DIP2B: variants seen among roughly 807,000 people sequenced by gnomAD.
DIP2B encodes the protein DIP2 acetate--CoA ligase B (putative).
Under a neutral mutation model 198.0 loss-of-function variants are expected in DIP2B, and 76 were observed. The ratio of observed to expected loss-of-function variants is 0.38; its 90% confidence interval spans 0.32 to 0.46. The LOEUF (loss-of-function observed/expected upper bound fraction) is 0.46. Ranked by LOEUF, DIP2B falls within the 20% of genes least tolerant of loss-of-function variation. The pLI, the probability that DIP2B is intolerant of heterozygous loss-of-function variation, is 0.99. For missense variants in DIP2B, 1,559 were observed against 1,978.4 expected (o/e 0.79, Z 4.02); for synonymous variants, 701 against 739.1 (o/e 0.95, Z 0.84).
intron 1 of DIP2B, among the ~76,000 whole-genome samples, chr12:50,572,104 A>G (rs1433301728): frequency 1.3e-5 from 2 of 152,162 alleles, no homozygotes; most frequent in Non-Finnish European, 2.9e-5. Flanking sequence ...AAATATTTAT[A>G]TTTGTCTTCA....
In DIP2B at chr12:50,698,390, A is replaced by G. The variant is rs1355795167; in HGVS notation, c.2111A>G (p.Tyr704Cys). ...RAILSMNGLS[Y>C]GVIRVNTEDK... ...ATTCTCTCAATGAATGGATTGAGCT[A>G]TGGGGTAATACGGGTCAATACTGAA... The change falls in exon 18 of 38, where the codon TAT becomes TGT. Residue 704 changes from tyrosine to cysteine, a missense_variant. Tyr to Cys is a radical substitution (Grantham distance 194). Coordinates refer to ENST00000301180, the MANE Select transcript of DIP2B (RefSeq NM_173602.3). 3.7e-6 allele frequency: 6 copies of G among 1,613,886 alleles called. No homozygotes were observed. Among genetic ancestry groups the G allele is most frequent in the Admixed American group, 1.7e-5 (1 of 59,992 alleles).
chr12:50,716,669 A>T (rs1254761113), intron 23 of DIP2B, among the ~76,000 whole-genome samples: 2 of 152,242 alleles, frequency 1.3e-5, no homozygotes, highest in Non-Finnish European at 2.9e-5. Flanking sequence ...CATCTGTTTC[A>T]GTATATTCAG....
rs138720625 is a variant in DIP2B, at chr12:50,619,915, G to A, written c.101-6061G>A. 2.5e-4 allele frequency among the ~76,000 whole-genome samples: 38 copies of A among 152,196 alleles called. No individual in the cohort carries two copies. The East Asian group carries it at 7.0e-3, about 28-fold the overall frequency. ...TATAAAAAAAACTTTTTAAAAATTA[G>A]CTGGGTGTGATAGCACACCCATCTG... On this transcript the variant is annotated intron_variant, in intron 1 of 37. Coordinates refer to ENST00000301180, the MANE Select transcript of DIP2B (RefSeq NM_173602.3).
At chr12:50,558,482 G>C (rs1958490093) in intron 1 of DIP2B, among the ~76,000 whole-genome samples, 1 of 152,204 alleles carries the variant, frequency 6.6e-6, no homozygotes, top group Admixed American at 6.5e-5. Flanking sequence ...TGGAGGTACT[G>C]AGAGGTGACT....
In DIP2B at chr12:50,724,708, C is replaced by T. The variant is rs1200740371; in HGVS notation, c.3289-67C>T. 4.2e-6 allele frequency: 6 copies of T among 1,425,972 alleles called. No individual in the cohort carries two copies. The African/African-American group carries it at 5.6e-5, about 13-fold the overall frequency. 88.3% of individuals were successfully genotyped at this position (1,425,972 alleles called of 1,614,324 possible). A position where few individuals can be genotyped will look rare whatever the true frequency, so the allele number is the denominator to read the frequency against. ...GTACATGAGTGGCTTTTAGCAGCAG[C>T]CAGGGCCTGTGGTGCCATGTTGGGG... On this transcript the variant is annotated intron_variant, in intron 27 of 37. Transcript: ENST00000301180.
intron 18 of DIP2B, 29 bp from the exon 19 acceptor site, chr12:50,699,037 T>C (rs1284005773): frequency 6.2e-7 from 1 of 1,602,966 alleles, no homozygotes; most frequent in Admixed American, 1.7e-5. Context: ...AGAATCTTTG[T>C]CCTTTAACCT....
At chr12:50,698,569 A>G in intron 18 of DIP2B, 102 bp downstream of exon 18, 1 of 1,384,536 alleles carries the variant, frequency 7.2e-7, no homozygotes, top group Non-Finnish European at 9.7e-7. Flanking sequence ...CCCTTAATTC[A>G]GTACTTAACG....
intron 3 of DIP2B, among the ~76,000 whole-genome samples, chr12:50,653,909 T>C (rs1938509106): frequency 6.6e-6 from 1 of 152,210 alleles, no homozygotes; most frequent in East Asian, 1.9e-4. Context: ...AGCCTTACTC[T>C]GTTGCCCAGG....
At chr12:50,698,089 TCCCACTGTGTTG>T (rs967496991) in intron 17 of DIP2B, among the ~76,000 whole-genome samples, 4 of 151,800 alleles carry the variant, frequency 2.6e-5, no homozygotes, top group Admixed American at 6.6e-5. Flanking sequence ...GAGATGGGGG[TCCCACTGTGTTG>T]CCCAGGCTGG....
At chr12:50,575,426 A>C (rs1423868385) in intron 1 of DIP2B, among the ~76,000 whole-genome samples, 1 of 151,264 alleles carries the variant, frequency 6.6e-6, no homozygotes, top group Non-Finnish European at 1.5e-5. Context: ...TCTGTCACCC[A>C]GGCTGGAGTG....
intron 1 of DIP2B, among the ~76,000 whole-genome samples, chr12:50,517,086 T>G (rs1269882084): frequency 6.6e-6 from 1 of 151,846 alleles, no homozygotes; most frequent in East Asian, 2.0e-4. Flanking sequence ...CCGGCTAATT[T>G]TTTTGTATTT....
intron 19 of DIP2B, among the ~76,000 whole-genome samples, chr12:50,703,649 A>T (rs1313014842): frequency 1.3e-5 from 2 of 152,176 alleles, no homozygotes; most frequent in Non-Finnish European, 2.9e-5. Context: ...GGCACAGAGT[A>T]CTCCATTAAG....
chr12:50,576,295 G>C (rs1429442778), intron 1 of DIP2B, among the ~76,000 whole-genome samples: 1 of 151,566 alleles, frequency 6.6e-6, no homozygotes, highest in Non-Finnish European at 1.5e-5. Flanking sequence ...TTGAACTCCT[G>C]ACCTCAGGTG....
intron 34 of DIP2B, among the ~76,000 whole-genome samples, chr12:50,735,469 T>C (rs1321283616): frequency 7.3e-6 from 1 of 137,772 alleles, no homozygotes; most frequent in Non-Finnish European, 1.6e-5. Context: ...TTTTGTTTTT[T>C]GTTTTTTGTT....
rs749838744 is a variant in DIP2B, at chr12:50,686,633, A to T, written c.1502A>T (p.Asp501Val). Residue 501 changes from aspartate (D) to valine (V), a missense_variant, in exon 12 of 38, where the codon GAC becomes GTC. Asp to Val is a radical substitution (Grantham distance 152). Transcript: ENST00000301180. Reference sequence around the variant, plus strand: ...AAGTACCTTTCAAAGCCACCGAAAGACTGGCAGCCACACATCTCACCTGCT... The same window carrying T: ...AAGTACCTTTCAAAGCCACCGAAAGTCTGGCAGCCACACATCTCACCTGCT... ...DSKYLSKPPK[D>V]WQPHISPAGT... 6.2e-7 allele frequency: 1 copy of T among 1,614,128 alleles called. No homozygotes were observed. Among genetic ancestry groups the T allele is most frequent in the East Asian group, 2.2e-5 (1 of 44,874 alleles).
At chr12:50,520,035 CTTTTTTTT>C (rs35179881) in intron 1 of DIP2B, among the ~76,000 whole-genome samples, 29 of 100,560 alleles carry the variant, frequency 2.9e-4, no homozygotes, top group African/African-American at 4.7e-4. Context: ...ATTGAATCTC[CTTTTTTTT>C]TTTTTTTTTT....
At chr12:50,691,989 C>G (rs1168099828) in intron 13 of DIP2B, among the ~76,000 whole-genome samples, 1 of 152,040 alleles carries the variant, frequency 6.6e-6, no homozygotes, top group East Asian at 1.9e-4. Flanking sequence ...CACTTGCACC[C>G]TGGAGGCAGA....
Position 50,706,593 on chromosome 12 carries a change from G to A in DIP2B, c.2462G>A (p.Arg821Gln), listed in dbSNP as rs768531787. 14 of 1,614,046 alleles carry A rather than the reference G, an allele frequency of 8.7e-6. No homozygotes were observed. The highest frequency in any genetic ancestry group is 1.1e-5 in the Non-Finnish European group (13 of 1,179,974). Residue 821 changes from arginine to glutamine, a missense_variant, in exon 21 of 38, where the codon CGA becomes CAA. Arg to Gln is a conservative substitution (Grantham distance 43, BLOSUM62 1). Transcript: ENST00000301180. ...GATGGCTTACTGATGGTTAGTGGTC[G>A]AAGACATAATGCTGATGACATTGTT... ...KMDGLLMVSG[R>Q]RHNADDIVAT...
At chr12:50,628,946 T>C (rs1937989394) in intron 2 of DIP2B, among the ~76,000 whole-genome samples, 1 of 152,184 alleles carries the variant, frequency 6.6e-6, no homozygotes, top group African/African-American at 2.4e-5. Flanking sequence ...TGGTGTGATC[T>C]GGGTTAATTG....
Sources: gnomAD v4.1 joint callset for allele counts (sites outside exome capture counted in the v4.1 genomes callset) on GRCh38, gnomAD v4.1.1 for gene constraint, MANE v1.5 for transcripts, NCBI Gene and HGNC (gene_info 2026-07-23, HGNC 2026-07-21) for gene names.